CELF2: variants seen among roughly 807,000 people sequenced by gnomAD.
The protein encoded by CELF2 is CUG triplet repeat RNA-binding protein 2.
Under a neutral mutation model 62.6 loss-of-function variants are expected in CELF2, and 8 were observed. That is an observed-to-expected ratio of 0.13 (90% CI 0.07 to 0.23). CELF2 has a LOEUF of 0.23. CELF2 is among the 10% of genes least tolerant of loss of function. The pLI is 1.00. For missense variants in CELF2, 333 were observed against 671.0 expected (o/e 0.50, Z 5.56); for synonymous variants, 258 against 250.0 (o/e 1.03, Z -0.30).
At chr10:10,647,049 G>C in the CELF2 span, among the ~76,000 whole-genome samples, 1 of 152,208 alleles carries the variant, frequency 6.6e-6, no homozygotes. Flanking sequence ...TTATAAATAG[G>C]GTCACATACT....
At chr10:11,193,789 A>G (rs566133956) in intron 2 of CELF2, among the ~76,000 whole-genome samples, 1 of 152,322 alleles carries the variant, frequency 6.6e-6, no homozygotes, top group Admixed American at 6.5e-5. Context: ...TATTTTGTAA[A>G]TGGAATAGCT....
At position 11,297,664 on chromosome 10, in the gene CELF2, G is replaced by A. The variant is rs971068055; in HGVS notation, c.976+9112G>A. On this transcript the variant is annotated intron_variant, in intron 9 of 12. Transcript: ENST00000633077. The surrounding 1 kb of genome is among the most constrained non-coding windows in gnomAD (Gnocchi z 4.4). ...TCTATATGACATGTTCATGAAATGT[G>A]AATATTTTTAAAAATCTGTAATGGG... Among the ~76,000 whole-genome samples the A allele has an allele frequency of 3.9e-5, 6 of 152,176 alleles. No homozygotes were observed. The highest frequency in any genetic ancestry group is 8.8e-5 in the Non-Finnish European group (6 of 68,020).
chr10:10,733,315 A>AT, the CELF2 span, among the ~76,000 whole-genome samples: 2 of 152,010 alleles, frequency 1.3e-5, no homozygotes, highest in African/African-American at 4.8e-5. Context: ...AGAAAATTAC[A>AT]TTTTTTTCTT....
At chr10:10,824,975 C>G (rs2057268722) in intron 1 of CELF2, among the ~76,000 whole-genome samples, 1 of 152,188 alleles carries the variant, frequency 6.6e-6, no homozygotes, top group East Asian at 1.9e-4. Context: ...TTTGTCCTCT[C>G]TGTTTCCCGG....
At chr10:10,610,043 T>C in the CELF2 span, among the ~76,000 whole-genome samples, 119 of 152,356 alleles carry the variant, frequency 7.8e-4, no homozygotes, top group African/African-American at 2.8e-3. Flanking sequence ...GGAAAATTGA[T>C]CTGGAACCTA....
At chr10:10,747,363 T>C in the CELF2 span, among the ~76,000 whole-genome samples, 1 of 151,954 alleles carries the variant, frequency 6.6e-6, no homozygotes, top group African/African-American at 2.4e-5. Context: ...TTTCTTGGAG[T>C]TTTCAGTCTA....
the CELF2 span, among the ~76,000 whole-genome samples, chr10:10,529,878 G>A: frequency 6.6e-6 from 1 of 152,110 alleles, no homozygotes; most frequent in South Asian, 2.1e-4. Flanking sequence ...CCAAGGCAGT[G>A]CCACCATCTT....
At chr10:11,081,037 A>G (rs2073883658) in intron 1 of CELF2, among the ~76,000 whole-genome samples, 1 of 151,364 alleles carries the variant, frequency 6.6e-6, no homozygotes, top group Non-Finnish European at 1.5e-5. Context: ...TTTAGCATCC[A>G]TTTCATAGAA....
In CELF2 at chr10:11,329,702, A is replaced by G. The variant is rs1591720824; in HGVS notation, c.*649A>G. The G allele has an allele frequency of 6.6e-6, 1 of 152,478 alleles. No individual in the cohort carries two copies. The highest frequency in any genetic ancestry group is 2.4e-5 in the African/African-American group (1 of 41,452). 9.4% of individuals were successfully genotyped at this position (152,478 alleles called of 1,614,324 possible). A position where few individuals can be genotyped will look rare whatever the true frequency, so the allele number is the denominator to read the frequency against. On this transcript the variant is annotated 3_prime_UTR_variant, in exon 13 of 13. Coordinates refer to ENST00000633077, the MANE Select transcript of CELF2 (RefSeq NM_001326342.2). This position sits in a 1 kb window ranked among gnomAD's most constrained non-coding sequence, Gnocchi z 5.5. The stretch of plus-strand genomic sequence containing the variant: ...TATTACACTGGTTGTCTATTTTGTT[A>G]TTGTTTTATTTTAGTTTTTAGAAAG...
chr10:11,017,561 C>T (rs1593197475), upstream of CELF2, among the ~76,000 whole-genome samples: 1 of 152,206 alleles, frequency 6.6e-6, no homozygotes. This position sits in a 1 kb window ranked among gnomAD's most constrained non-coding sequence, Gnocchi z 5.5. Flanking sequence ...GCTCGCCTCC[C>T]GCGGCTGGGC....
the CELF2 span, among the ~76,000 whole-genome samples, chr10:10,617,946 C>T: frequency 6.6e-6 from 1 of 152,024 alleles, no homozygotes; most frequent in Admixed American, 6.5e-5. Context: ...CTCTAAAAAT[C>T]CCCCGGCCGT....
chr10:10,790,443 C>G, the CELF2 span, among the ~76,000 whole-genome samples: 1 of 152,042 alleles, frequency 6.6e-6, no homozygotes, highest in East Asian at 1.9e-4. Flanking sequence ...GTTTCTGTTG[C>G]CTACACCTGA....
chr10:11,005,353 G>T lies in CELF2; in HGVS notation c.-35G>T. On this transcript the variant is annotated 5_prime_UTR_variant, in exon 1 of 13. Coordinates refer to the CELF2 transcript ENST00000416382. This position sits in a 1 kb window ranked among gnomAD's most constrained non-coding sequence, Gnocchi z 4.3. The stretch of plus-strand genomic sequence containing the variant: ...GGCATTGATGTTTGAGCATACTTCT[G>T]AACTGGCTTTTGTTGAGACTATCAG... 3 of 1,613,424 alleles carry T rather than the reference G, an allele frequency of 1.9e-6. No individual in the cohort carries two copies. The highest frequency in any genetic ancestry group is 2.5e-6 in the Non-Finnish European group (3 of 1,179,658).
intron 1 of CELF2, among the ~76,000 whole-genome samples, chr10:10,813,341 T>C (rs2056124865): frequency 6.6e-6 from 1 of 152,202 alleles, no homozygotes; most frequent in Non-Finnish European, 1.5e-5. Context: ...GCTGTAGAAC[T>C]CCATTTTGAT....
At chr10:10,753,409 A>T in the CELF2 span, among the ~76,000 whole-genome samples, 7 of 152,068 alleles carry the variant, frequency 4.6e-5, no homozygotes, top group Middle Eastern at 3.2e-3. Context: ...ATTCACAAAA[A>T]AATATATACT....
At chr10:11,198,771 T>A (rs1304788150) in intron 2 of CELF2, among the ~76,000 whole-genome samples, 1 of 152,184 alleles carries the variant, frequency 6.6e-6, no homozygotes, top group Non-Finnish European at 1.5e-5. Flanking sequence ...GCGTTGTAGA[T>A]TTTTTTGCAT....
chr10:10,845,605 C>G (rs1302680629), intron 1 of CELF2, among the ~76,000 whole-genome samples: 1 of 152,130 alleles, frequency 6.6e-6, no homozygotes, highest in Non-Finnish European at 1.5e-5. Flanking sequence ...TCAGTATTAT[C>G]TGGTTAGGAT....
At chr10:10,595,178 A>G in the CELF2 span, among the ~76,000 whole-genome samples, 1 of 152,222 alleles carries the variant, frequency 6.6e-6, no homozygotes, top group African/African-American at 2.4e-5. Context: ...ATGAAAATGT[A>G]TGTTACATAA....
At chr10:10,485,001 T>C in the CELF2 span, among the ~76,000 whole-genome samples, 2 of 152,184 alleles carry the variant, frequency 1.3e-5, no homozygotes, top group Non-Finnish European at 2.9e-5. Context: ...TATCTCTTTA[T>C]GTACTCTTTC....
Sources: allele counts gnomAD v4.1 joint callset (sites outside exome capture counted in the v4.1 genomes callset), GRCh38; gene constraint gnomAD v4.1.1; non-coding constraint Gnocchi (gnomAD v3.1); transcripts MANE v1.5; gene names NCBI Gene and HGNC (gene_info 2026-07-23, HGNC 2026-07-21).